The following GFRA1 variants were observed in gnomAD, a reference collection of about 807,000 sequenced individuals.
The protein encoded by GFRA1 is GDNF family receptor alpha-1.
In GFRA1, 16 loss-of-function variants were observed where a neutral mutation model predicts 51.6. That is an observed-to-expected ratio of 0.31 (90% CI 0.21 to 0.47). GFRA1 has a LOEUF of 0.47. GFRA1 is among the 20% of genes least tolerant of loss of function. GFRA1 has a pLI of 1.00. For synonymous variants in GFRA1, 270 were observed against 241.3 expected (o/e 1.12, Z -1.10); for missense variants, 530 against 594.3 (o/e 0.89, Z 1.13).
chr10:116,116,290 G>A (rs1463412359), intron 6 of GFRA1, among the ~76,000 whole-genome samples: 1 of 152,242 alleles, frequency 6.6e-6, no homozygotes, highest in Non-Finnish European at 1.5e-5. Context: ...GCTTCCTGAT[G>A]ATTAACATAA....
intron 5 of GFRA1, among the ~76,000 whole-genome samples, chr10:116,186,198 T>C (rs1962701744): frequency 6.6e-6 from 1 of 152,188 alleles, no homozygotes; most frequent in South Asian, 2.1e-4. Context: ...GGCTTCACTG[T>C]ACCAGTGACA....
intron 5 of GFRA1, among the ~76,000 whole-genome samples, chr10:116,144,418 A>C (rs73370411): frequency 0.049 from 7,503 of 152,188 alleles, 610 homozygotes; most frequent in African/African-American, 0.17. Context: ...TAAAAAAATG[A>C]TATGGGATAT....
intron 9 of GFRA1, among the ~76,000 whole-genome samples, chr10:116,087,952 C>T (rs907630793): frequency 3.3e-5 from 5 of 152,120 alleles, no homozygotes; most frequent in Non-Finnish European, 7.4e-5. Flanking sequence ...CTGCACAGTG[C>T]TTTGGAGAGA....
chr10:116,120,907 C>T (rs1368516104), intron 6 of GFRA1, among the ~76,000 whole-genome samples: 2 of 152,210 alleles, frequency 1.3e-5, no homozygotes, highest in Non-Finnish European at 1.5e-5. Context: ...CCCCATGTGG[C>T]AGCAGCTAAA....
chr10:116,082,738 A>AAAGT (rs763504100), intron 9 of GFRA1, among the ~76,000 whole-genome samples: 26 of 152,138 alleles, frequency 1.7e-4, no homozygotes, highest in Non-Finnish European at 3.4e-4. Flanking sequence ...TTGGCTTCCC[A>AAAGT]AAGTGCTGGG....
At chr10:116,145,631 G>A (rs1217891215) in intron 5 of GFRA1, among the ~76,000 whole-genome samples, 2 of 152,092 alleles carry the variant, frequency 1.3e-5, no homozygotes, top group African/African-American at 4.8e-5. Context: ...TATTTTATAA[G>A]TTAATGTAAA....
At chr10:116,214,283 G>A (rs1186441588) in intron 4 of GFRA1, among the ~76,000 whole-genome samples, 1 of 152,208 alleles carries the variant, frequency 6.6e-6, no homozygotes, top group Non-Finnish European at 1.5e-5. Flanking sequence ...ATTTGTGCGT[G>A]TTGCAATTAT....
intron 5 of GFRA1, among the ~76,000 whole-genome samples, chr10:116,190,539 C>T (rs1329166316): frequency 2.0e-5 from 3 of 152,166 alleles, no homozygotes; most frequent in Non-Finnish European, 2.9e-5. Flanking sequence ...CTGAAGAATG[C>T]TGCCAGGATC....
intron 5 of GFRA1, among the ~76,000 whole-genome samples, chr10:116,126,644 C>T (rs373186757): frequency 6.6e-6 from 1 of 152,184 alleles, no homozygotes; most frequent in Non-Finnish European, 1.5e-5. Context: ...CTGGAGCGGG[C>T]AGGGAGGTGT....
chr10:116,202,754 C>T (rs1334103053), intron 5 of GFRA1, among the ~76,000 whole-genome samples: 2 of 152,084 alleles, frequency 1.3e-5, no homozygotes, highest in East Asian at 1.9e-4. Context: ...TGGGGAAATC[C>T]ACCCTCATGA....
intron 5 of GFRA1, among the ~76,000 whole-genome samples, chr10:116,197,774 C>T (rs1964010804): frequency 6.6e-6 from 1 of 152,172 alleles, no homozygotes; most frequent in Non-Finnish European, 1.5e-5. Flanking sequence ...TATACTTTAG[C>T]CATGATGGCT....
chr10:116,157,346 C>T (rs1404265760), intron 5 of GFRA1, among the ~76,000 whole-genome samples: 1 of 152,162 alleles, frequency 6.6e-6, no homozygotes, highest in Non-Finnish European at 1.5e-5. Context: ...ATCAGATGTC[C>T]AGAAGGGGCA....
At chr10:116,093,954 T>C in intron 7 of GFRA1, 118 bp from the exon 8 acceptor site, 1 of 943,772 alleles carries the variant, frequency 1.1e-6, no homozygotes, top group Admixed American at 1.9e-5. Flanking sequence ...GACATTGTAT[T>C]TGCTGAGTGG....
At chr10:116,246,577 A>C (rs1399276322) in intron 4 of GFRA1, among the ~76,000 whole-genome samples, 2 of 152,256 alleles carry the variant, frequency 1.3e-5, no homozygotes, top group African/African-American at 4.8e-5. Flanking sequence ...GAAAAAAGAC[A>C]GTGATTACTG....
chr10:116,069,915 T>C (rs980168445), intron 9 of GFRA1, among the ~76,000 whole-genome samples: 1 of 152,160 alleles, frequency 6.6e-6, no homozygotes, highest in African/African-American at 2.4e-5. Context: ...GACTTAAAAG[T>C]GCACTCGCCC....
At chr10:116,210,132 A>T (rs1375706420) in intron 5 of GFRA1, among the ~76,000 whole-genome samples, 1 of 152,176 alleles carries the variant, frequency 6.6e-6, no homozygotes, top group Non-Finnish European at 1.5e-5. Flanking sequence ...ACTGATTAAA[A>T]AAGAAGGCAA....
chr10:116,199,466 A>G (rs1265828223), intron 5 of GFRA1, among the ~76,000 whole-genome samples: 1 of 152,204 alleles, frequency 6.6e-6, no homozygotes, highest in Non-Finnish European at 1.5e-5. Flanking sequence ...TCAAATATGT[A>G]GCAAAGTTGA....
chr10:116,199,266 C>G (rs1243048082), intron 5 of GFRA1, among the ~76,000 whole-genome samples: 2 of 152,180 alleles, frequency 1.3e-5, no homozygotes, highest in African/African-American at 4.8e-5. Flanking sequence ...ATCCCTCAGG[C>G]ATTTTGGCCC....
intron 6 of GFRA1, among the ~76,000 whole-genome samples, chr10:116,102,397 T>C (rs1589790320): frequency 6.6e-6 from 1 of 152,288 alleles, no homozygotes; most frequent in Middle Eastern, 3.4e-3. Context: ...AGTGAGTCTA[T>C]CAGTGAATTA....
Sources: allele counts gnomAD v4.1 joint callset (sites outside exome capture counted in the v4.1 genomes callset), GRCh38; gene constraint gnomAD v4.1.1; transcripts MANE v1.5; gene names NCBI Gene and HGNC (gene_info 2026-07-23, HGNC 2026-07-21).